NEIL2: variants seen among roughly 807,000 people sequenced by gnomAD.
NEIL2 encodes nei like DNA glycosylase 2.
Under a neutral mutation model 22.2 loss-of-function variants are expected in NEIL2, and 23 were observed. That is an observed-to-expected ratio of 1.04 (90% CI 0.75 to 1.47). The LOEUF (loss-of-function observed/expected upper bound fraction) is 1.47, where lower values mean the gene tolerates loss of function less well. NEIL2 is among the 40% of genes most tolerant of loss of function. The pLI is 0.00. For synonymous variants in NEIL2, 229 were observed against 164.8 expected (o/e 1.39, Z -2.99); for missense variants, 583 against 404.7 (o/e 1.44, Z -3.78).
intron 3 of NEIL2, among the ~76,000 whole-genome samples, chr8:11,780,875 G>T: frequency 6.6e-6 from 1 of 152,286 alleles, no homozygotes; most frequent in South Asian, 2.1e-4. Flanking sequence ...ATGTTAGGTC[G>T]TTTGTGTACT....
chr8:11,769,795 A>C lies in NEIL2; in HGVS notation c.-543A>C, dbSNP rs1247118448. 6.6e-6 allele frequency: 1 copy of C among 152,248 alleles called. No homozygotes were observed. Among genetic ancestry groups the C allele is most frequent in the Non-Finnish European group, 1.5e-5 (1 of 68,096 alleles). 9.4% of individuals were successfully genotyped at this position (152,248 alleles called of 1,614,324 possible). A position where few individuals can be genotyped will look rare whatever the true frequency, so the allele number is the denominator to read the frequency against. On this transcript the variant is annotated 5_prime_UTR_variant, in exon 1 of 5. Transcript: ENST00000284503. ...ACGTGCCACCCACCCGGAGCCGGTGAGTGCAGCCGCCCGCCCTCCGGTAGA... is the reference window on the plus strand; with the variant it reads ...ACGTGCCACCCACCCGGAGCCGGTGCGTGCAGCCGCCCGCCCTCCGGTAGA...
chr8:11,782,869 T>C, intron 3 of NEIL2: 1 of 395,976 alleles, frequency 2.5e-6, no homozygotes, highest in Non-Finnish European at 4.8e-6. Context: ...TATGTGTGTA[T>C]GATCCAGCCA....
In NEIL2 at chr8:11,786,300, C is replaced by T. The variant is rs1160541036; in HGVS notation, c.*27C>T. 1 of 1,590,304 alleles carries T rather than the reference C, an allele frequency of 6.3e-7. No individual in the cohort carries two copies. Among genetic ancestry groups the T allele is most frequent in the Non-Finnish European group, 8.5e-7 (1 of 1,171,140 alleles). ...GAGCTGGTGGTGCTCCTCACGGAACCTTGCCGCTTGGGGAACCTGACGTCT... is the reference window on the plus strand; with the variant it reads ...GAGCTGGTGGTGCTCCTCACGGAACTTTGCCGCTTGGGGAACCTGACGTCT... On this transcript the variant is annotated 3_prime_UTR_variant, in exon 5 of 5. Coordinates refer to ENST00000284503, the MANE Select transcript of NEIL2 (RefSeq NM_145043.4).
intron 2 of NEIL2, among the ~76,000 whole-genome samples, chr8:11,775,051 G>T (rs1369250865): frequency 2.6e-5 from 4 of 152,230 alleles, no homozygotes; most frequent in African/African-American, 9.6e-5. Context: ...GAGGACAGTG[G>T]CCCTCTTCTC....
rs904575718 is a variant in NEIL2, at chr8:11,769,845, G to T, written c.-493G>T. 2.0e-5 allele frequency: 3 copies of T among 152,394 alleles called. No individual in the cohort carries two copies. Among genetic ancestry groups the T allele is most frequent in the African/African-American group, 7.2e-5 (3 of 41,450 alleles). 9.4% of individuals were successfully genotyped at this position (152,394 alleles called of 1,614,324 possible). A position where few individuals can be genotyped will look rare whatever the true frequency, so the allele number is the denominator to read the frequency against. Reference sequence around the variant, plus strand: ...ATCTGCGGCCTGGCGGAGAAGTCGGGAGGGGACAGGAAGGGAGGGCGGGCC... The same window carrying T: ...ATCTGCGGCCTGGCGGAGAAGTCGGTAGGGGACAGGAAGGGAGGGCGGGCC... On this transcript the variant is annotated 5_prime_UTR_variant, in exon 1 of 5. Coordinates refer to ENST00000284503, the MANE Select transcript of NEIL2 (RefSeq NM_145043.4).
intron 2 of NEIL2, among the ~76,000 whole-genome samples, chr8:11,774,341 C>T (rs966987997): frequency 6.6e-6 from 1 of 152,146 alleles, no homozygotes; most frequent in African/African-American, 2.4e-5. Flanking sequence ...CACCTGCGCT[C>T]CAGCCTCAGC....
chr8:11,780,721 A>G (rs1371592435), intron 3 of NEIL2, among the ~76,000 whole-genome samples: 3 of 152,224 alleles, frequency 2.0e-5, no homozygotes, highest in African/African-American at 7.2e-5. Flanking sequence ...TCAACATTTT[A>G]TGCATAAGAC....
In NEIL2 at chr8:11,786,711, C is replaced by G. The variant is rs764074398; in HGVS notation, c.*438C>G. ...CTAGGGTGTGGTGGTGTGATCTTGG[C>G]TCACGGCAGCCTTGCCCTCCCTGGC... On this transcript the variant is annotated 3_prime_UTR_variant, in exon 5 of 5. Coordinates refer to ENST00000284503, the MANE Select transcript of NEIL2 (RefSeq NM_145043.4). 8.6e-4 allele frequency: 187 copies of G among 217,936 alleles called. 1 individual carries two copies. The highest frequency in any genetic ancestry group is 7.8e-3 in the Middle Eastern group (4 of 514). The allele number at this position is 217,936 out of a possible 1,614,324, so 13.5% of individuals were successfully genotyped here.
intron 3 of NEIL2, 157 bp from the exon 4 acceptor site, chr8:11,783,046 G>A: frequency 1.4e-6 from 1 of 709,182 alleles, no homozygotes; most frequent in Admixed American, 2.0e-5. Flanking sequence ...TAACGATGTG[G>A]GGATGTCTGT....
At chr8:11,781,742 C>G (rs768851408) in intron 3 of NEIL2, among the ~76,000 whole-genome samples, 2 of 152,116 alleles carry the variant, frequency 1.3e-5, no homozygotes, top group Non-Finnish European at 2.9e-5. Flanking sequence ...AGTTTATCTA[C>G]TTTGTTGGTC....
intron 2 of NEIL2, among the ~76,000 whole-genome samples, chr8:11,774,652 A>G (rs1803755005): frequency 6.6e-6 from 1 of 152,246 alleles, no homozygotes; most frequent in Non-Finnish European, 1.5e-5. Flanking sequence ...CATCTGAGAC[A>G]AGGCAGGTTG....
At chr8:11,777,584 C>T (rs1488510911) in intron 2 of NEIL2, among the ~76,000 whole-genome samples, 5 of 152,104 alleles carry the variant, frequency 3.3e-5, no homozygotes, top group East Asian at 1.9e-4. Flanking sequence ...CTTTCTGTCT[C>T]GATGAATTTT....
chr8:11,771,513 G>A lies in NEIL2; in HGVS notation c.66G>A (p.Val22=), dbSNP rs563265249. 4.3e-6 allele frequency: 7 copies of A among 1,614,126 alleles called. 1 individual carries two copies. The South Asian group carries it at 6.6e-5, about 15-fold the overall frequency. Residue 22 remains valine, a synonymous_variant, in exon 2 of 5, where the codon GTG becomes GTA. Coordinates refer to ENST00000284503, the MANE Select transcript of NEIL2 (RefSeq NM_145043.4). ...HLVSPFVGQQ[V]VKTGGSSKKL... is the part of the protein sequence containing the mutation. ...TCTCCCCCTTTGTGGGTCAGCAGGTGGTCAAGACAGGGGGCAGCAGTAAGA... is the reference window on the plus strand; with the variant it reads ...TCTCCCCCTTTGTGGGTCAGCAGGTAGTCAAGACAGGGGGCAGCAGTAAGA...
intron 2 of NEIL2, among the ~76,000 whole-genome samples, chr8:11,776,510 A>G (rs1172954214): frequency 6.6e-6 from 1 of 152,254 alleles, no homozygotes; most frequent in Non-Finnish European, 1.5e-5. Flanking sequence ...GGGCATTCAT[A>G]TGCAAGTATT....
At chr8:11,782,057 C>G (rs1804467399) in intron 3 of NEIL2, among the ~76,000 whole-genome samples, 1 of 152,002 alleles carries the variant, frequency 6.6e-6, no homozygotes, top group African/African-American at 2.4e-5. Context: ...GAGCAAGACC[C>G]TATTTCCAAA....
intron 2 of NEIL2, 122 bp downstream of exon 2, chr8:11,771,707 A>G: frequency 5.2e-6 from 5 of 958,368 alleles, no homozygotes; most frequent in South Asian, 1.6e-5. Flanking sequence ...CTCGGACTCC[A>G]TGCAGCTCCC....
chr8:11,786,799 G>A lies in NEIL2; in HGVS notation c.*526G>A, dbSNP rs1356327407. 3.7e-5 allele frequency: 6 copies of A among 164,294 alleles called. No homozygotes were observed. In the East Asian group the frequency reaches 9.2e-4, roughly 25 times the overall value. 10.2% of individuals were successfully genotyped at this position (164,294 alleles called of 1,614,324 possible). ...ACTACAGGCATGTGATATGATGCTC[G>A]GCTGATTTTTGTTTACTTTTTAGAG... On this transcript the variant is annotated 3_prime_UTR_variant, in exon 5 of 5. Transcript: ENST00000284503.
rs571897691 is a variant in NEIL2 at position 11,786,229 on chromosome 8, C to T, written c.955C>T (p.Gln319Ter). The T allele has an allele frequency of 2.5e-5, 40 of 1,612,954 alleles. No homozygotes were observed. Among genetic ancestry groups the T allele is most frequent in the Admixed American group, 8.3e-5 (5 of 59,996 alleles). Residue 319 changes from glutamine (Q) to a stop codon, truncating the protein, a stop_gained, in exon 5 of 5, where the codon CAG becomes TAG. Coordinates refer to ENST00000284503, the MANE Select transcript of NEIL2 (RefSeq NM_145043.4). LOFTEE classifies it low-confidence loss of function (END_TRUNC). The stretch of plus-strand genomic sequence containing the variant: ...GCTCACCTGGTGGTGCCCGCAGTGC[C>T]AGCCCCAGTTGTCAGAGGAGCCAGA... ...QRLTWWCPQC[Q>*]PQLSEEPEQC...
intron 2 of NEIL2, among the ~76,000 whole-genome samples, chr8:11,777,743 T>A (rs1232174480): frequency 6.6e-6 from 1 of 152,278 alleles, no homozygotes; most frequent in Non-Finnish European, 1.5e-5. Flanking sequence ...TTTGCTGCTA[T>A]TACAGAATAT....
Sources: allele counts gnomAD v4.1 joint callset (sites outside exome capture counted in the v4.1 genomes callset), GRCh38; gene constraint gnomAD v4.1.1; transcripts MANE v1.5; gene names NCBI Gene and HGNC (gene_info 2026-07-23, HGNC 2026-07-21).